FBXO40: variants seen among roughly 807,000 people sequenced by gnomAD.
FBXO40 encodes F-box protein 40, also known as F-box only protein 40.
FBXO40 carries 50 observed loss-of-function variants against 49.9 expected under a neutral mutation model. The ratio of observed to expected loss-of-function variants is 1.00; its 90% CI spans 0.80 to 1.27. The LOEUF (loss-of-function observed/expected upper bound fraction) is 1.27. Ranked by LOEUF, FBXO40 falls within the 50% of genes most tolerant of loss-of-function variation. The pLI is 0.00. For synonymous variants in FBXO40, 340 were observed against 320.2 expected (o/e 1.06, Z -0.66); for missense variants, 895 against 870.1 (o/e 1.03, Z -0.36).
At chr3:121,608,099 G>GC (rs2048941616) in intron 1 of FBXO40, among the ~76,000 whole-genome samples, 1 of 152,206 alleles carries the variant, frequency 6.6e-6, no homozygotes. Context: ...ATGCCCATAA[G>GC]CGTTAACTGG....
Position 121,622,888 on chromosome 3 carries a change from G to C in FBXO40, c.1459G>C (p.Glu487Gln). Reference protein sequence around the residue: ...FTCNKFFRRDEFPLHFKNVHT... With the variant: ...FTCNKFFRRDQFPLHFKNVHT... ...TTGCAACAAATTCTTCAGGAGGGATGAGTTCCCCCTGCACTTCAAGAATGT... is the reference window on the plus strand; with the variant it reads ...TTGCAACAAATTCTTCAGGAGGGATCAGTTCCCCCTGCACTTCAAGAATGT... The change falls in exon 3 of 4, where the codon GAG becomes CAG. Residue 487 changes from glutamate (E) to glutamine (Q), a missense_variant. Transcript: ENST00000338040. The C allele has an allele frequency of 6.2e-7, 1 of 1,614,204 alleles. No individual in the cohort carries two copies. The highest frequency in any genetic ancestry group is 8.5e-7 in the Non-Finnish European group (1 of 1,180,034).
chr3:121,616,669 C>G (rs1294817091), intron 1 of FBXO40, among the ~76,000 whole-genome samples: 1 of 152,172 alleles, frequency 6.6e-6, no homozygotes, highest in Non-Finnish European at 1.5e-5. Flanking sequence ...CTTATGCTCA[C>G]TTACTGGCAA....
rs754626892 is a variant in FBXO40 at position 121,623,046 on chromosome 3, G to A, written c.1617G>A (p.Glu539=). 27 of 1,614,216 alleles carry A rather than the reference G, an allele frequency of 1.7e-5. No individual in the cohort carries two copies. In the South Asian group the frequency reaches 2.7e-4, roughly 16 times the overall value. Residue 539 remains glutamate (E), a synonymous_variant, in exon 3 of 4, where the codon GAG becomes GAA. Transcript: ENST00000338040. ...AGGCAAAAGTAATCTATAGCCAGGA[G>A]CTCAAGACCTTTGCCATTAAGCCGG... ...GQKAKVIYSQ[E]LKTFAIKPEV...
At position 121,626,899 on chromosome 3, in the gene FBXO40, T is replaced by C. The variant is rs776253180; in HGVS notation, c.2119T>C (p.Tyr707His). The stretch of plus-strand genomic sequence containing the variant: ...CTTTAGAATCAGACCACGAGGAAGA[T>C]ACGTCTCCTAAAAATTCAGATGCCA... ...STFRIRPRGR[Y>H]VS is the part of the protein sequence containing the mutation. Residue 707 changes from tyrosine to histidine, a missense_variant, in exon 4 of 4, where the codon TAC becomes CAC. Coordinates refer to ENST00000338040, the MANE Select transcript of FBXO40 (RefSeq NM_016298.4). The C allele has an allele frequency of 6.2e-7, 1 of 1,614,140 alleles. No homozygotes were observed. The highest frequency in any genetic ancestry group is 2.2e-5 in the East Asian group (1 of 44,882).
intron 3 of FBXO40, among the ~76,000 whole-genome samples, chr3:121,625,165 T>C (rs1390753399): frequency 6.6e-6 from 1 of 152,202 alleles, no homozygotes; most frequent in African/African-American, 2.4e-5. Flanking sequence ...GTCATGTTTG[T>C]TTAACTGTAT....
chr3:121,608,201 A>G (rs1287648575), intron 1 of FBXO40, among the ~76,000 whole-genome samples: 1 of 152,216 alleles, frequency 6.6e-6, no homozygotes, highest in East Asian at 1.9e-4. Flanking sequence ...AATTACAGCC[A>G]TTTCTTTTGG....
chr3:121,620,346 T>C (rs1010377932), intron 1 of FBXO40, among the ~76,000 whole-genome samples, 200 bp from the exon 2 acceptor site: 4 of 152,296 alleles, frequency 2.6e-5, no homozygotes, highest in South Asian at 4.1e-4. Flanking sequence ...GCTGATTCCA[T>C]CACTTAGCAG....
At chr3:121,605,747 A>G (rs947194993) in intron 1 of FBXO40, among the ~76,000 whole-genome samples, 2 of 152,182 alleles carry the variant, frequency 1.3e-5, no homozygotes, top group African/African-American at 4.8e-5. Flanking sequence ...ATTGTTATTA[A>G]TTGGCCATTG....
intron 1 of FBXO40, among the ~76,000 whole-genome samples, chr3:121,602,828 T>C (rs2048908018): frequency 6.6e-6 from 1 of 152,202 alleles, no homozygotes; most frequent in Non-Finnish European, 1.5e-5. Flanking sequence ...AATCTACCTC[T>C]ACATTACACT....
At chr3:121,618,167 TAATA>T (rs1224559357) in intron 1 of FBXO40, among the ~76,000 whole-genome samples, 3 of 152,084 alleles carry the variant, frequency 2.0e-5, no homozygotes, top group Non-Finnish European at 4.4e-5. Context: ...TAAAAATGTT[TAATA>T]AATAAAAATA....
chr3:121,623,878 G>T (rs2049048249), intron 3 of FBXO40, among the ~76,000 whole-genome samples: 1 of 151,354 alleles, frequency 6.6e-6, no homozygotes, highest in Non-Finnish European at 1.5e-5. Context: ...AGTAGAGACG[G>T]GGTTTCTCCA....
chr3:121,612,594 C>T (rs894307175), intron 1 of FBXO40, among the ~76,000 whole-genome samples: 3 of 152,004 alleles, frequency 2.0e-5, no homozygotes, highest in Non-Finnish European at 4.4e-5. Context: ...CATATACAAG[C>T]GTATTTTAAA....
Position 121,623,152 on chromosome 3 carries a change from A to T in FBXO40, c.1723A>T (p.Ser575Cys). Reference sequence around the variant, plus strand: ...AGGAAAAAGCCAGAATTCTTTAACCAGCCTGCCCCTGGAGATTTTGAAGTA... The same window carrying T: ...AGGAAAAAGCCAGAATTCTTTAACCTGCCTGCCCCTGGAGATTTTGAAGTA... The part of the protein sequence containing the change: ...HGGKSQNSLT[S>C]LPLEILKYIA... The change falls in exon 3 of 4, where the codon AGC becomes TGC. Residue 575 changes from serine (S) to cysteine (C), a missense_variant. Physicochemically the swap from Ser to Cys is moderately radical, Grantham distance 112. Transcript: ENST00000338040. 1 of 1,614,184 alleles carries T rather than the reference A, an allele frequency of 6.2e-7. No individual in the cohort carries two copies. Among genetic ancestry groups the T allele is most frequent in the Non-Finnish European group, 8.5e-7 (1 of 1,180,022 alleles).
intron 1 of FBXO40, among the ~76,000 whole-genome samples, chr3:121,604,447 C>T (rs938959766): frequency 6.6e-6 from 1 of 152,008 alleles, no homozygotes; most frequent in Non-Finnish European, 1.5e-5. Context: ...CAATAAAATC[C>T]ACAACATAAA....
Position 121,627,911 on chromosome 3 carries a change from A to T in FBXO40, c.*1001A>T. On this transcript the variant is annotated 3_prime_UTR_variant, in exon 4 of 4. Transcript: ENST00000338040. ...TATGGCGCCAGTCACCAGCTCCTAG[A>T]CAGCACTTGGGTACCCCATTGGGGT... 1 of 398,666 alleles carries T rather than the reference A, an allele frequency of 2.5e-6. No homozygotes were observed. The allele number at this position is 398,666 out of a possible 1,614,324, so 24.7% of individuals were successfully genotyped here. A position where few individuals can be genotyped will look rare whatever the true frequency, so the allele number is the denominator to read the frequency against.
At position 121,622,768 on chromosome 3, in the gene FBXO40, C is replaced by A; in HGVS notation, c.1339C>A (p.Leu447Ile). ...QFSSGTVLADLTAATPGGLHV... is the reference protein window; with the variant it reads ...QFSSGTVLADITAATPGGLHV... Reference sequence around the variant, plus strand: ...TTCCTCTGGGACAGTGCTGGCTGACCTAACCGCTGCCACCCCAGGGGGACT... The same window carrying A: ...TTCCTCTGGGACAGTGCTGGCTGACATAACCGCTGCCACCCCAGGGGGACT... The change falls in exon 3 of 4, where the codon CTA becomes ATA. Residue 447 changes from leucine (L) to isoleucine (I), a missense_variant. By Grantham distance (5) the Leu-to-Ile change is conservative (BLOSUM62 2). Transcript: ENST00000338040. 6.2e-7 allele frequency: 1 copy of A among 1,614,176 alleles called. No individual in the cohort carries two copies. The highest frequency in any genetic ancestry group is 8.5e-7 in the Non-Finnish European group (1 of 1,180,024).
chr3:121,598,880 C>G (rs2048886303), intron 1 of FBXO40, among the ~76,000 whole-genome samples: 1 of 152,152 alleles, frequency 6.6e-6, no homozygotes. Flanking sequence ...GTTGCTGCCC[C>G]CTTGCCAGGT....
At chr3:121,597,524 G>C (rs2048878380) in intron 1 of FBXO40, among the ~76,000 whole-genome samples, 2 of 152,200 alleles carry the variant, frequency 1.3e-5, no homozygotes. Context: ...CAGGAGGGCA[G>C]TGGGAACACA....
chr3:121,627,687 G>A lies in FBXO40; in HGVS notation c.*777G>A. On this transcript the variant is annotated 3_prime_UTR_variant, in exon 4 of 4. Coordinates refer to ENST00000338040, the MANE Select transcript of FBXO40 (RefSeq NM_016298.4). ...ACTTACTTTGTAACATTTTAATAAT[G>A]ACTTAAGGGTCAAGATTTTTTTCTT... 2.5e-6 allele frequency: 1 copy of A among 395,778 alleles called. No individual in the cohort carries two copies. The highest frequency in any genetic ancestry group is 4.4e-5 in the Admixed American group (1 of 22,534). 24.5% of individuals were successfully genotyped at this position (395,778 alleles called of 1,614,324 possible).
Sources: allele counts gnomAD v4.1 joint callset (sites outside exome capture counted in the v4.1 genomes callset), GRCh38; gene constraint gnomAD v4.1.1; transcripts MANE v1.5; gene names NCBI Gene and HGNC (gene_info 2026-07-23, HGNC 2026-07-21).